Variants in PPT1 observed in about 807,000 individuals in gnomAD.
PPT1 encodes ceroid-palmitoyl-palmitoyl-protein thioesterase 1.
In PPT1, 24 loss-of-function variants were observed where a neutral mutation model predicts 44.0. The ratio of observed to expected loss-of-function variants is 0.54; its 90% confidence interval spans 0.39 to 0.77. The LOEUF (loss-of-function observed/expected upper bound fraction) is 0.77, where lower values mean the gene tolerates loss of function less well. PPT1 is among the 30% of genes least tolerant of loss of function. PPT1 has a pLI of 0.00. For missense variants in PPT1, 341 were observed against 378.8 expected (o/e 0.90, Z 0.83); for synonymous variants, 148 against 140.2 (o/e 1.06, Z -0.39).
chr1:40,096,351 T>C (rs140533061), intron 1 of PPT1, among the ~76,000 whole-genome samples: 5 of 152,304 alleles, frequency 3.3e-5, no homozygotes, highest in African/African-American at 1.2e-4. Context: ...GTCTGTTTAG[T>C]TCCCTACTGT....
At chr1:40,097,074 G>T in intron 1 of PPT1, 41 bp downstream of exon 1, 1 of 1,613,950 alleles carries the variant, frequency 6.2e-7, no homozygotes, top group Non-Finnish European at 8.5e-7. Context: ...GCTAGGAAGA[G>T]AGAGAATCGC....
intron 5 of PPT1, among the ~76,000 whole-genome samples, chr1:40,081,207 C>T (rs1648919323): frequency 6.6e-6 from 1 of 152,080 alleles, no homozygotes; most frequent in African/African-American, 2.4e-5. Context: ...GTTCTCGTGA[C>T]AGTGAATAAG....
chr1:40,073,988 T>C lies in PPT1; in HGVS notation c.*73A>G. On this transcript the variant is annotated 3_prime_UTR_variant, in exon 9 of 9. Coordinates refer to ENST00000642050, the MANE Select transcript of PPT1 (RefSeq NM_000310.4). ...CTGGATCTGAGCTCAGGCTTGGGCA[T>C]GAAGGAAACTGTCTCCCATGTGGTT... 5 of 1,592,388 alleles carry C rather than the reference T, an allele frequency of 3.1e-6. No homozygotes were observed. The highest frequency in any genetic ancestry group is 4.3e-6 in the Non-Finnish European group (5 of 1,162,496).
intron 5 of PPT1, 116 bp downstream of exon 5, chr1:40,089,294 A>AAAAAAAAAAAAAAAAT: frequency 1.7e-6 from 1 of 603,018 alleles, no homozygotes; most frequent in Non-Finnish European, 3.0e-6. Flanking sequence ...CTCAAAAAAA[A>AAAAAAAAAAAAAAAAT]AGATCTCATT....
intron 5 of PPT1, among the ~76,000 whole-genome samples, chr1:40,087,309 C>A (rs1225188282): frequency 1.3e-5 from 2 of 151,958 alleles, no homozygotes; most frequent in African/African-American, 4.8e-5. Flanking sequence ...GTGGTGCGAT[C>A]TCAGCTCACT....
At chr1:40,079,128 GA>G (rs1156325401) in intron 6 of PPT1, among the ~76,000 whole-genome samples, 2 of 152,118 alleles carry the variant, frequency 1.3e-5, no homozygotes, top group African/African-American at 4.8e-5. Flanking sequence ...ATTTGCTTAG[GA>G]TAACGGCCTC....
chr1:40,072,493 T>A (rs1284093371), downstream of PPT1: 3 of 162,220 alleles, frequency 1.8e-5, no homozygotes, highest in Non-Finnish European at 4.0e-5. Context: ...CAGTTGTTTT[T>A]CCCTCTAGGA....
At chr1:40,086,558 T>C (rs939690602) in intron 5 of PPT1, among the ~76,000 whole-genome samples, 13 of 152,146 alleles carry the variant, frequency 8.5e-5, no homozygotes, top group African/African-American at 3.1e-4. Context: ...GTATGGTTAG[T>C]AAGCACGGTC....
chr1:40,072,075 T>C (rs1648145896), downstream of PPT1: 1 of 402,346 alleles, frequency 2.5e-6, no homozygotes, highest in Non-Finnish European at 4.4e-6. Flanking sequence ...TTGTTTCCTA[T>C]AAGCATTCCT....
chr1:40,089,294 A>AAAAAAAAAAAAAAAAAAT, intron 5 of PPT1, 116 bp downstream of exon 5: 1 of 603,010 alleles, frequency 1.7e-6, no homozygotes. Flanking sequence ...CTCAAAAAAA[A>AAAAAAAAAAAAAAAAAAT]AGATCTCATT....
intron 5 of PPT1, among the ~76,000 whole-genome samples, chr1:40,082,653 G>A (rs991584548): frequency 6.6e-6 from 1 of 152,192 alleles, no homozygotes. Context: ...GAAAAAAAGT[G>A]TGAAGCTAGC....
chr1:40,090,980 T>A (rs1478645770), intron 4 of PPT1, among the ~76,000 whole-genome samples: 1 of 152,246 alleles, frequency 6.6e-6, no homozygotes, highest in Non-Finnish European at 1.5e-5. Context: ...ATTCTTTGCC[T>A]AAGCCTAAAT....
Position 40,097,243 on chromosome 1 carries a change from G to A in PPT1, c.-5C>T, listed in dbSNP as rs1649913124. On this transcript the variant is annotated 5_prime_UTR_variant, in exon 1 of 9. Coordinates refer to ENST00000642050, the MANE Select transcript of PPT1 (RefSeq NM_000310.4). ...CAGGCAGCCGGGCGACGCCATCTTC[G>A]CTGTGTCACATGACCGCGGGCGCGA... 3 of 1,613,622 alleles carry A rather than the reference G, an allele frequency of 1.9e-6. No individual in the cohort carries two copies. The highest frequency in any genetic ancestry group is 2.5e-6 in the Non-Finnish European group (3 of 1,179,816).
chr1:40,075,423 A>G (rs968823174), intron 8 of PPT1, among the ~76,000 whole-genome samples: 1 of 152,106 alleles, frequency 6.6e-6, no homozygotes, highest in Non-Finnish European at 1.5e-5. Context: ...TGCCGTGGCC[A>G]ACATCATTTT....
intron 5 of PPT1, among the ~76,000 whole-genome samples, chr1:40,082,753 A>C (rs904231795): frequency 6.6e-6 from 1 of 152,272 alleles, no homozygotes; most frequent in Admixed American, 6.5e-5. Flanking sequence ...TAGAAGCTGC[A>C]GTAAGTTATC....
intron 1 of PPT1, among the ~76,000 whole-genome samples, chr1:40,093,519 C>T (rs747073980): frequency 6.6e-6 from 1 of 152,242 alleles, no homozygotes; most frequent in South Asian, 2.1e-4. Flanking sequence ...TGAATTTTTA[C>T]CTCAATTTTA....
At chr1:40,093,737 TA>T (rs1426067356) in intron 1 of PPT1, among the ~76,000 whole-genome samples, 1 of 141,588 alleles carries the variant, frequency 7.1e-6, no homozygotes, top group Non-Finnish European at 1.5e-5. Flanking sequence ...ATACAAAAAT[TA>T]GCCGGGTGTG....
intron 5 of PPT1, among the ~76,000 whole-genome samples, chr1:40,083,836 A>T (rs1649113886): frequency 6.6e-6 from 1 of 152,154 alleles, no homozygotes; most frequent in Admixed American, 6.5e-5. Context: ...AGTGGAGCCC[A>T]GGAGTGTGAG....
At chr1:40,075,562 C>T (rs910022620) in intron 8 of PPT1, among the ~76,000 whole-genome samples, 9 of 151,256 alleles carry the variant, frequency 6.0e-5, no homozygotes, top group Non-Finnish European at 1.3e-4. Context: ...AAAAGAAAAG[C>T]CAAGCCAAGA....
Sources: allele counts gnomAD v4.1 joint callset (sites outside exome capture counted in the v4.1 genomes callset), GRCh38; gene constraint gnomAD v4.1.1; transcripts MANE v1.5; gene names NCBI Gene and HGNC (gene_info 2026-07-23, HGNC 2026-07-21).